Variants in ZBTB1 observed in about 807,000 individuals in gnomAD.
The protein encoded by ZBTB1 is zinc finger and BTB domain containing 1.
A neutral mutation model predicts 51.6 loss-of-function variants in ZBTB1; 13 were observed. That is an observed-to-expected ratio of 0.25 (90% CI 0.16 to 0.40). The LOEUF is 0.40. ZBTB1 is among the 10% of genes least tolerant of loss of function. The pLI is 1.00. For synonymous variants in ZBTB1, 240 were observed against 282.2 expected (o/e 0.85, Z 1.50); for missense variants, 567 against 856.5 (o/e 0.66, Z 4.22).
chr14:64,513,522 C>T (rs2079748504), intron 1 of ZBTB1, among the ~76,000 whole-genome samples: 1 of 152,202 alleles, frequency 6.6e-6, no homozygotes. Context: ...CGAAATGCCT[C>T]ACCCTTGCTT....
rs886538628 is a variant in ZBTB1 at position 64,504,800 on chromosome 14, C to T, written c.-165C>T. ...AGCACAGTCCCTGGCAGAGCCAGAG[C>T]CTCTCCGCGCAGCCCAGCCCGAGCG... On this transcript the variant is annotated 5_prime_UTR_variant, in exon 1 of 2. Transcript: ENST00000683701. 43 of 385,646 alleles carry T rather than the reference C, an allele frequency of 1.1e-4. No homozygotes were observed. Among genetic ancestry groups the T allele is most frequent in the Non-Finnish European group, 1.7e-4 (37 of 217,588 alleles). The allele number at this position is 385,646 out of a possible 1,614,324, so 23.9% of individuals were successfully genotyped here. A position where few individuals can be genotyped will look rare whatever the true frequency, so the allele number is the denominator to read the frequency against.
chr14:64,529,085 G>C (rs1360447978), downstream of ZBTB1, among the ~76,000 whole-genome samples: 1 of 152,194 alleles, frequency 6.6e-6, no homozygotes, highest in Non-Finnish European at 1.5e-5. Context: ...AACGTGAGTG[G>C]AAAACAAAAC....
chr14:64,524,827 T>C lies in ZBTB1; in HGVS notation c.*1181T>C, dbSNP rs183731470. On this transcript the variant is annotated 3_prime_UTR_variant, in exon 2 of 2. Transcript: ENST00000683701. ...TCACAGAGTATATCAATGGAAACAG[T>C]TTATCATTTTTTCAGTTAAAGTAGT... is the stretch of plus-strand genomic sequence containing the variant. 25 of 983,022 alleles carry C rather than the reference T, an allele frequency of 2.5e-5. No individual in the cohort carries two copies. In the African/African-American group the frequency reaches 4.2e-4, roughly 16 times the overall value. The allele number at this position is 983,022 out of a possible 1,614,324, so 60.9% of individuals were successfully genotyped here.
At chr14:64,529,862 G>A (rs573333103), downstream of ZBTB1, among the ~76,000 whole-genome samples, 2 of 152,300 alleles carry the variant, frequency 1.3e-5, no homozygotes, top group South Asian at 4.2e-4. Flanking sequence ...ATTTGATTAA[G>A]ATTTATAGAG....
chr14:64,525,603 G>C (rs1460043238), downstream of ZBTB1, among the ~76,000 whole-genome samples: 1 of 152,034 alleles, frequency 6.6e-6, no homozygotes. Flanking sequence ...TCTTGCAGTG[G>C]CTTTCCCCAT....
chr14:64,533,233 T>C (rs1418248738), exon 3 of ZBTB1: 3 of 151,972 alleles, frequency 2.0e-5, no homozygotes, highest in Non-Finnish European at 2.9e-5. Context: ...CACTGAAGGG[T>C]TCAAATACAT....
chr14:64,519,552 T>TC, intron 1 of ZBTB1, among the ~76,000 whole-genome samples: 1 of 149,682 alleles, frequency 6.7e-6, no homozygotes, highest in East Asian at 2.0e-4. Flanking sequence ...TCGCTTGAAC[T>TC]CAGGAGTTCA....
exon 3 of ZBTB1, chr14:64,532,954 A>T (rs1020211638): frequency 3.3e-5 from 5 of 151,930 alleles, no homozygotes; most frequent in Non-Finnish European, 7.4e-5. Flanking sequence ...TATGTACCCA[A>T]TTCCTTATGA....
At chr14:64,526,059 C>T (rs904316587), downstream of ZBTB1, among the ~76,000 whole-genome samples, 4 of 152,084 alleles carry the variant, frequency 2.6e-5, no homozygotes, top group Admixed American at 1.3e-4. Context: ...ACCTCGTGAT[C>T]CACCGGCTTC....
chr14:64,518,858 C>T (rs1228641539), intron 1 of ZBTB1, among the ~76,000 whole-genome samples: 1 of 143,990 alleles, frequency 6.9e-6, no homozygotes, highest in Non-Finnish European at 1.5e-5. Flanking sequence ...CTTAAATGCC[C>T]ACTAATATTG....
chr14:64,522,859 A>T lies in ZBTB1; in HGVS notation c.1355A>T (p.Lys452Ile). ...ATTGAAAATATCTGTGCATGTGGTA[A>T]ATGTGGACAAATACTTGTAAAGGGT... is the stretch of plus-strand genomic sequence containing the variant. ...KHIENICACG[K>I]CGQILVKGRQ... The change falls in exon 2 of 2, where the codon AAA becomes ATA. Residue 452 changes from lysine (K) to isoleucine (I), a missense_variant. Lys to Ile is a moderately radical substitution (Grantham distance 102). Around this residue, in one of 5 missense-constraint regions of ZBTB1, gnomAD observed 329 missense variants for 406.3 expected, o/e 0.81. Transcript: ENST00000683701. 2 of 1,614,198 alleles carry T rather than the reference A, an allele frequency of 1.2e-6. No homozygotes were observed. Among genetic ancestry groups the T allele is most frequent in the African/African-American group, 2.7e-5 (2 of 75,060 alleles).
Position 64,521,628 on chromosome 14 carries a change from C to G in ZBTB1, c.124C>G (p.Leu42Val). 1 of 1,614,216 alleles carries G rather than the reference C, an allele frequency of 6.2e-7. No homozygotes were observed. The highest frequency in any genetic ancestry group is 8.5e-7 in the Non-Finnish European group (1 of 1,180,040). ...TTACTTTCAAGCACACAAGGCAGTTCTAGCTGCCTGTAGCTCCTATTTTAG... is the reference window on the plus strand; with the variant it reads ...TTACTTTCAAGCACACAAGGCAGTTGTAGCTGCCTGTAGCTCCTATTTTAG... ...DIYFQAHKAV[L>V]AACSSYFRMF... Residue 42 changes from leucine (L) to valine (V), a missense_variant, in exon 2 of 2, where the codon CTA (leucine) becomes GTA (valine). By Grantham distance (32) the Leu-to-Val change is conservative. Coordinates refer to ENST00000683701, the MANE Select transcript of ZBTB1 (RefSeq NM_001123329.2).
chr14:64,530,908 T>C (rs1388672486), intron 2 of ZBTB1, among the ~76,000 whole-genome samples: 2 of 152,172 alleles, frequency 1.3e-5, no homozygotes, highest in African/African-American at 4.8e-5. Flanking sequence ...AACATATCAA[T>C]GTACTAATCA....
chr14:64,524,525 T>C lies in ZBTB1; in HGVS notation c.*879T>C. ...TTATAAATAGACTTTAATAGCTCTC[T>C]AAGAATATGACCTCTAAAGGAAAAG... On this transcript the variant is annotated 3_prime_UTR_variant, in exon 2 of 2. Coordinates refer to ENST00000683701, the MANE Select transcript of ZBTB1 (RefSeq NM_001123329.2). The C allele has an allele frequency of 1.0e-6, 1 of 977,554 alleles. No homozygotes were observed. Among genetic ancestry groups the C allele is most frequent in the Non-Finnish European group, 1.2e-6 (1 of 822,772 alleles). The allele number at this position is 977,554 out of a possible 1,614,324, so 60.6% of individuals were successfully genotyped here. A position where few individuals can be genotyped will look rare whatever the true frequency, so the allele number is the denominator to read the frequency against.
At chr14:64,510,579 TAAG>T (rs1053143226) in intron 1 of ZBTB1, among the ~76,000 whole-genome samples, 30 of 152,116 alleles carry the variant, frequency 2.0e-4, no homozygotes, top group African/African-American at 6.3e-4. Context: ...GCAGGGGAAG[TAAG>T]AAATTTATGA....
downstream of ZBTB1, among the ~76,000 whole-genome samples, chr14:64,525,406 A>G (rs995846754): frequency 6.6e-6 from 1 of 152,192 alleles, no homozygotes; most frequent in Non-Finnish European, 1.5e-5. Flanking sequence ...TAAATTTGAA[A>G]TCCAACTTAA....
chr14:64,512,895 T>C (rs1408114045), intron 1 of ZBTB1, among the ~76,000 whole-genome samples: 1 of 152,188 alleles, frequency 6.6e-6, no homozygotes, highest in Admixed American at 6.5e-5. Flanking sequence ...ATTATTTTTA[T>C]AGATGGCAGA....
At chr14:64,506,325 G>C (rs2079654962) in intron 1 of ZBTB1, among the ~76,000 whole-genome samples, 1 of 152,208 alleles carries the variant, frequency 6.6e-6, no homozygotes, top group African/African-American at 2.4e-5. Flanking sequence ...CCGAGGTCAG[G>C]AGTTCGAGAC....
intron 1 of ZBTB1, among the ~76,000 whole-genome samples, chr14:64,518,819 T>G (rs1004053945): frequency 1.3e-5 from 2 of 149,126 alleles, no homozygotes; most frequent in Non-Finnish European, 3.0e-5. Flanking sequence ...TTCTTCCTTA[T>G]CCAAAGTCAG....
Sources: gnomAD v4.1 joint callset for allele counts (sites outside exome capture counted in the v4.1 genomes callset) on GRCh38, gnomAD v4.1.1 for gene constraint, gnomAD v4.1.1 regional missense constraint, MANE v1.5 for transcripts, NCBI Gene and HGNC (gene_info 2026-07-23, HGNC 2026-07-21) for gene names.